Variants in KIF21A observed in about 807,000 individuals in gnomAD.
KIF21A encodes kinesin family member 21A, also known as kinesin-like protein KIF21A.
In KIF21A, 114 loss-of-function variants were observed where a neutral mutation model predicts 202.9. That is an observed-to-expected ratio of 0.56 (90% confidence interval 0.48 to 0.66). The LOEUF is 0.66. Ranked by LOEUF, KIF21A falls within the 30% of genes least tolerant of loss-of-function variation. The pLI is 0.00. For synonymous variants in KIF21A, 667 were observed against 670.8 expected (o/e 0.99, Z 0.09); for missense variants, 1,677 against 1,994.9 (o/e 0.84, Z 3.04).
At chr12:39,299,745 T>C (rs1942784766) in intron 37 of KIF21A, among the ~76,000 whole-genome samples, 1 of 152,182 alleles carries the variant, frequency 6.6e-6, no homozygotes, top group South Asian at 2.1e-4. Flanking sequence ...ATGTGGTACA[T>C]ATACATCATG....
chr12:39,388,559 T>C (rs897359993), intron 1 of KIF21A, among the ~76,000 whole-genome samples: 9 of 152,160 alleles, frequency 5.9e-5, no homozygotes, highest in African/African-American at 1.9e-4. Flanking sequence ...AGCCACAAGA[T>C]AGAAGGAGCC....
chr12:39,304,960 G>T, intron 34 of KIF21A, 22 bp from the exon 35 acceptor site: 2 of 1,176,524 alleles, frequency 1.7e-6, no homozygotes, highest in Non-Finnish European at 2.5e-6. Flanking sequence ...AAGAAAAATA[G>T]TTTTGTTTAA....
At chr12:39,340,117 C>A in intron 16 of KIF21A, 48 bp downstream of exon 16, 2 of 1,465,900 alleles carry the variant, frequency 1.4e-6, no homozygotes, top group Non-Finnish European at 1.9e-6. Flanking sequence ...TCCCAAATGA[C>A]AAAATCATAC....
chr12:39,328,089 C>T (rs533227942), intron 24 of KIF21A, among the ~76,000 whole-genome samples: 4 of 152,190 alleles, frequency 2.6e-5, no homozygotes, highest in African/African-American at 7.2e-5. Flanking sequence ...CTTAGAAAGG[C>T]CTGCTTGGAA....
chr12:39,358,861 T>C (rs559425688), intron 7 of KIF21A, among the ~76,000 whole-genome samples: 1 of 152,268 alleles, frequency 6.6e-6, no homozygotes, highest in South Asian at 2.1e-4. Context: ...ATATAAACTG[T>C]CATTTGTGAC....
At chr12:39,350,585 T>G (rs1475259947) in intron 11 of KIF21A, among the ~76,000 whole-genome samples, 1 of 151,994 alleles carries the variant, frequency 6.6e-6, no homozygotes, top group African/African-American at 2.4e-5. Context: ...AATCCTATGA[T>G]CATTATTTCA....
At chr12:39,391,986 C>T (rs1486848588) in intron 1 of KIF21A, among the ~76,000 whole-genome samples, 2 of 152,110 alleles carry the variant, frequency 1.3e-5, no homozygotes, top group Admixed American at 6.6e-5. Context: ...GATCCACCCA[C>T]CTCAGCCTCC....
At chr12:39,330,303 C>A in intron 23 of KIF21A, 41 bp from the exon 24 acceptor site, 1 of 1,577,254 alleles carries the variant, frequency 6.3e-7, no homozygotes, top group Non-Finnish European at 8.7e-7. Context: ...AAGCAATACT[C>A]CAATCAAAAC....
rs748963082 is a variant in KIF21A, at chr12:39,307,619, C to T, written c.4388G>A (p.Gly1463Asp). The change falls in exon 34 of 38, where the codon GGC becomes GAC. Residue 1463 changes from glycine to aspartate, a missense_variant. Coordinates refer to ENST00000361418, the MANE Select transcript of KIF21A (RefSeq NM_001173464.2). The stretch of plus-strand genomic sequence containing the variant: ...TCCAGAAGCAGCATAGAGGAAGGTG[C>T]CAGTTGGGTTTAGGGCAATTTGATT... The part of the protein sequence containing the change: ...QINQIALNPT[G>D]TFLYAASGNA... 7.0e-5 allele frequency: 113 copies of T among 1,613,966 alleles called. No homozygotes were observed. Among genetic ancestry groups the T allele is most frequent in the Non-Finnish European group, 9.5e-5 (112 of 1,179,978 alleles).
chr12:39,363,165 C>G lies in KIF21A; in HGVS notation c.952G>C (p.Ala318Pro), dbSNP rs1351297429. 4 of 1,613,154 alleles carry G rather than the reference C, an allele frequency of 2.5e-6. No individual in the cohort carries two copies. Among genetic ancestry groups the G allele is most frequent in the Non-Finnish European group, 2.5e-6 (3 of 1,179,510 alleles). ...GAATCTCTATAGGGGACATGTGTGG[C>G]CCTCTTGCTCTTGTCTCCCAAGGCA... Reference protein sequence around the residue: ...ISALGDKSKRATHVPYRDSKL... With the variant: ...ISALGDKSKRPTHVPYRDSKL... Residue 318 changes from alanine to proline, a missense_variant, in exon 7 of 38, where the codon GCC (alanine) becomes CCC (proline). Transcript: ENST00000361418.
Position 39,351,854 on chromosome 12 carries a change from T to TAATGA in KIF21A, c.1595_1596insTCATT (p.Lys532AsnfsTer3). 6.2e-7 allele frequency: 1 copy of TAATGA among 1,609,334 alleles called. No homozygotes were observed. ...CTAGGTCTATAATTTCAATGGTTTC[T>TAATGA]TTGTCTGAGGATAGTATGGTAGGAG... On this transcript the variant is annotated frameshift_variant, in exon 11 of 38. Transcript: ENST00000361418. LOFTEE classifies it high-confidence loss of function.
intron 1 of KIF21A, among the ~76,000 whole-genome samples, chr12:39,406,052 C>T (rs1335994562): frequency 3.3e-5 from 5 of 151,710 alleles, no homozygotes; most frequent in Non-Finnish European, 7.4e-5. Flanking sequence ...TTAGAACATT[C>T]AAAACACATC....
At chr12:39,383,013 T>C (rs1295722044) in intron 1 of KIF21A, among the ~76,000 whole-genome samples, 1 of 152,246 alleles carries the variant, frequency 6.6e-6, no homozygotes, top group Non-Finnish European at 1.5e-5. Flanking sequence ...ATTTGGTCTA[T>C]TACTTTTAGG....
chr12:39,310,008 A>C (rs957929107), intron 32 of KIF21A, among the ~76,000 whole-genome samples: 3 of 152,022 alleles, frequency 2.0e-5, no homozygotes, highest in Non-Finnish European at 4.4e-5. Flanking sequence ...GGTATTGAAA[A>C]AATATTTATG....
chr12:39,373,846 T>G (rs1265365217), intron 1 of KIF21A, among the ~76,000 whole-genome samples: 2 of 152,198 alleles, frequency 1.3e-5, no homozygotes, highest in African/African-American at 2.4e-5. Flanking sequence ...AGGATTCTGT[T>G]TGAAACATGG....
Position 39,294,377 on chromosome 12 carries a change from C to A in KIF21A, c.*47G>T. ...AGGACAACATTTTCCATAAAGAATA[C>A]AGAGTATTATCACAGCATTCAGTTT... On this transcript the variant is annotated 3_prime_UTR_variant, in exon 38 of 38. Coordinates refer to ENST00000361418, the MANE Select transcript of KIF21A (RefSeq NM_001173464.2). 1 of 1,365,496 alleles carries A rather than the reference C, an allele frequency of 7.3e-7. No individual in the cohort carries two copies. The highest frequency in any genetic ancestry group is 1.0e-6 in the Non-Finnish European group (1 of 953,352). The allele number at this position is 1,365,496 out of a possible 1,614,324, so 84.6% of individuals were successfully genotyped here.
chr12:39,385,000 T>C (rs1266287287), intron 1 of KIF21A, among the ~76,000 whole-genome samples: 2 of 152,206 alleles, frequency 1.3e-5, no homozygotes, highest in Non-Finnish European at 2.9e-5. Context: ...CTTTCTCCAG[T>C]CTGCTAAAAT....
intron 1 of KIF21A, among the ~76,000 whole-genome samples, chr12:39,416,521 G>A (rs993617240): frequency 4.6e-5 from 7 of 150,990 alleles, no homozygotes; most frequent in South Asian, 2.1e-4. Flanking sequence ...GCTTGAACCC[G>A]GGAGGTGGAG....
At chr12:39,410,148 T>G (rs1216053882) in intron 1 of KIF21A, among the ~76,000 whole-genome samples, 3 of 152,086 alleles carry the variant, frequency 2.0e-5, no homozygotes, top group African/African-American at 7.2e-5. Context: ...ACTTTCAAGA[T>G]GCAAGAAGGG....
Sources: allele counts gnomAD v4.1 joint callset (sites outside exome capture counted in the v4.1 genomes callset), GRCh38; gene constraint gnomAD v4.1.1; transcripts MANE v1.5; gene names NCBI Gene and HGNC (gene_info 2026-07-23, HGNC 2026-07-21).